TRPM3: variants seen among roughly 807,000 people sequenced by gnomAD.
TRPM3 encodes the protein transient receptor potential cation channel subfamily M member 3.
In TRPM3, 77 loss-of-function variants were observed where a neutral mutation model predicts 181.2. That is an observed-to-expected ratio of 0.42 (90% CI 0.35 to 0.51). The LOEUF is 0.51. Among genes scored for constraint, TRPM3 ranks in the 20% least tolerant of loss-of-function variants. The pLI, the probability that TRPM3 is intolerant of heterozygous loss-of-function variation, is 0.01. For synonymous variants in TRPM3, 745 were observed against 796.4 expected, an observed-to-expected ratio of 0.94 and a Z score of 1.09; for missense variants, 1,759 against 2,196.7, an observed-to-expected ratio of 0.80 and a Z score of 3.98.
At chr9:71,271,070 C>A (rs1267821464) in intron 1 of TRPM3, among the ~76,000 whole-genome samples, 2 of 152,120 alleles carry the variant, frequency 1.3e-5, no homozygotes, top group Non-Finnish European at 2.9e-5. Context: ...CTGACAAAAA[C>A]CACGAGATAG....
chr9:70,553,654 G>A (rs1482122779), intron 22 of TRPM3, among the ~76,000 whole-genome samples: 1 of 152,200 alleles, frequency 6.6e-6, no homozygotes, highest in East Asian at 1.9e-4. Flanking sequence ...CTTTTCTTGG[G>A]TGTGCCCAGG....
intron 6 of TRPM3, among the ~76,000 whole-genome samples, chr9:70,823,719 T>C (rs917798130): frequency 1.3e-5 from 2 of 152,258 alleles, no homozygotes; most frequent in African/African-American, 4.8e-5. Context: ...AATGAATTGT[T>C]AATTGTTGCT....
chr9:70,624,025 A>T (rs1025604980), intron 14 of TRPM3, among the ~76,000 whole-genome samples: 3 of 152,182 alleles, frequency 2.0e-5, no homozygotes, highest in Non-Finnish European at 4.4e-5. Flanking sequence ...CAATGACAAA[A>T]TTCAAACTTT....
At chr9:71,128,615 T>C (rs1194200327) in intron 1 of TRPM3, among the ~76,000 whole-genome samples, 6 of 152,126 alleles carry the variant, frequency 3.9e-5, no homozygotes, top group African/African-American at 1.4e-4. Flanking sequence ...TAAGCACAAA[T>C]ACACACCCAC....
chr9:70,796,511 C>T (rs866428524), intron 6 of TRPM3, among the ~76,000 whole-genome samples: 2 of 152,176 alleles, frequency 1.3e-5, no homozygotes, highest in Non-Finnish European at 2.9e-5. Context: ...ACATATTCAT[C>T]CTTCAGGTCC....
intron 1 of TRPM3, among the ~76,000 whole-genome samples, chr9:70,938,577 G>C (rs770893382): frequency 6.6e-6 from 1 of 151,738 alleles, no homozygotes; most frequent in Non-Finnish European, 1.5e-5. Context: ...CCCCCTTCTC[G>C]GCGTGAAACA....
At chr9:70,967,842 T>A (rs934294566) in intron 1 of TRPM3, among the ~76,000 whole-genome samples, 17 of 152,012 alleles carry the variant, frequency 1.1e-4, no homozygotes, top group East Asian at 1.9e-4. Context: ...ATTTCAAGGG[T>A]TTAATGGTCC....
At chr9:70,756,564 T>G (rs1472335963) in intron 8 of TRPM3, among the ~76,000 whole-genome samples, 1 of 152,092 alleles carries the variant, frequency 6.6e-6, no homozygotes, top group East Asian at 1.9e-4. Flanking sequence ...CGCATCACAC[T>G]TATTCTAAAA....
chr9:71,204,994 A>T (rs532771263), intron 1 of TRPM3, among the ~76,000 whole-genome samples: 2 of 152,048 alleles, frequency 1.3e-5, no homozygotes, highest in East Asian at 3.9e-4. Flanking sequence ...GTTCTCACTC[A>T]TAGATGGGAA....
At chr9:70,804,244 C>G (rs2090088782) in intron 6 of TRPM3, among the ~76,000 whole-genome samples, 2 of 152,092 alleles carry the variant, frequency 1.3e-5, no homozygotes, top group Admixed American at 1.3e-4. Context: ...GCAGGAGAAT[C>G]CCTTGAACTC....
intron 1 of TRPM3, among the ~76,000 whole-genome samples, chr9:71,443,890 T>C (rs941438716): frequency 6.6e-6 from 1 of 151,942 alleles, no homozygotes; most frequent in Non-Finnish European, 1.5e-5. Flanking sequence ...CTAGTGAAAA[T>C]GAAAACTAGG....
chr9:71,270,006 G>A (rs2083670012), intron 1 of TRPM3, among the ~76,000 whole-genome samples: 1 of 152,150 alleles, frequency 6.6e-6, no homozygotes. Context: ...TTTCTGTTTA[G>A]TATTGCAATT....
intron 1 of TRPM3, among the ~76,000 whole-genome samples, chr9:71,369,136 GA>G (rs2092431471): frequency 6.6e-6 from 1 of 151,762 alleles, no homozygotes. Flanking sequence ...AAAGCAGAAG[GA>G]AAAAAATAAA....
intron 3 of TRPM3, among the ~76,000 whole-genome samples, chr9:70,861,127 A>G (rs1367109643): frequency 6.6e-6 from 1 of 152,174 alleles, no homozygotes; most frequent in Non-Finnish European, 1.5e-5. Context: ...AATAGACTGG[A>G]CTTGTAAAAA....
rs2040510114 is a variant in TRPM3 at position 70,529,105 on chromosome 9, G to A, written c.*6848C>T. 1 of 151,810 alleles carries A rather than the reference G, an allele frequency of 6.6e-6. No individual in the cohort carries two copies. Among genetic ancestry groups the A allele is most frequent in the African/African-American group, 2.4e-5 (1 of 41,316 alleles). 9.4% of individuals were successfully genotyped at this position (151,810 alleles called of 1,614,324 possible). Reference sequence around the variant, plus strand: ...TTTTTTTTTTTATTGCAAAACATTTGTTACAGAAATTTCAGAAAGTTTTTC... The same window carrying A: ...TTTTTTTTTTTATTGCAAAACATTTATTACAGAAATTTCAGAAAGTTTTTC... On this transcript the variant is annotated 3_prime_UTR_variant, in exon 26 of 26. Coordinates refer to ENST00000677713, the MANE Select transcript of TRPM3 (RefSeq NM_001366145.2).
intron 1 of TRPM3, among the ~76,000 whole-genome samples, chr9:71,149,552 C>A (rs2075614730): frequency 6.6e-6 from 1 of 152,104 alleles, no homozygotes; most frequent in Non-Finnish European, 1.5e-5. Flanking sequence ...CCCACCCTAC[C>A]AAACTATGCA....
intron 6 of TRPM3, 40 bp downstream of exon 6, chr9:70,827,807 C>G (rs1361189851): frequency 6.3e-7 from 1 of 1,598,014 alleles, no homozygotes; most frequent in Non-Finnish European, 8.5e-7. Context: ...TTTCAGCATA[C>G]CTCCTACGAG....
intron 1 of TRPM3, among the ~76,000 whole-genome samples, chr9:71,346,513 T>C (rs533739649): frequency 6.6e-6 from 1 of 152,228 alleles, no homozygotes; most frequent in South Asian, 2.1e-4. Context: ...GCTAAACTCT[T>C]TGCAAGGGAG....
chr9:71,421,044 A>G (rs531796792), intron 1 of TRPM3, among the ~76,000 whole-genome samples: 1 of 151,152 alleles, frequency 6.6e-6, no homozygotes, highest in Admixed American at 6.6e-5. Flanking sequence ...AAAGAGAACG[A>G]ACTCACGTCC....
Sources: allele counts gnomAD v4.1 joint callset (sites outside exome capture counted in the v4.1 genomes callset), GRCh38; gene constraint gnomAD v4.1.1; transcripts MANE v1.5; gene names NCBI Gene and HGNC (gene_info 2026-07-23, HGNC 2026-07-21).